PPARGC1A: variants seen among roughly 807,000 people sequenced by gnomAD.
PPARGC1A encodes the protein PPARG coactivator 1 alpha, also known as peroxisome proliferator-activated receptor gamma coactivator 1-alpha.
A neutral mutation model predicts 88.7 loss-of-function variants in PPARGC1A; 25 were observed. That is an observed-to-expected ratio of 0.28 (90% CI 0.21 to 0.39). The LOEUF is 0.39. Ranked by LOEUF, PPARGC1A falls within the 10% of genes least tolerant of loss-of-function variation. The pLI is 1.00. For missense variants in PPARGC1A, 880 were observed against 968.7 expected (o/e 0.91, Z 1.22); for synonymous variants, 363 against 355.6 (o/e 1.02, Z -0.24).
At chr4:24,036,536 C>T in the PPARGC1A span, among the ~76,000 whole-genome samples, 1 of 151,188 alleles carries the variant, frequency 6.6e-6, no homozygotes, top group African/African-American at 2.4e-5. Context: ...TAAATTAACA[C>T]AATGAAACAC....
intron 5 of PPARGC1A, among the ~76,000 whole-genome samples, chr4:23,825,460 T>C (rs546085716): frequency 3.9e-5 from 6 of 151,974 alleles, no homozygotes; most frequent in Non-Finnish European, 8.8e-5. Context: ...ACCAAAAAGG[T>C]CTTTAGAATA....
At chr4:24,428,139 A>T in the PPARGC1A span, among the ~76,000 whole-genome samples, 2 of 148,814 alleles carry the variant, frequency 1.3e-5, no homozygotes, top group East Asian at 2.0e-4. Flanking sequence ...AAAAAAAAAG[A>T]ATTATCCAGC....
chr4:23,870,039 A>G (rs895448247), intron 2 of PPARGC1A, among the ~76,000 whole-genome samples: 3 of 152,216 alleles, frequency 2.0e-5, no homozygotes, highest in Non-Finnish European at 4.4e-5. Context: ...TCGGTATTTC[A>G]TGGAGCATTT....
At chr4:24,214,443 CAGCATAGTG>C in the PPARGC1A span, among the ~76,000 whole-genome samples, 3 of 152,100 alleles carry the variant, frequency 2.0e-5, no homozygotes, top group African/African-American at 7.3e-5. Flanking sequence ...GAAAGAATGA[CAGCATAGTG>C]TTTTCTAAAA....
chr4:23,844,323 A>AG (rs1452438603), intron 2 of PPARGC1A, among the ~76,000 whole-genome samples: 1 of 126,892 alleles, frequency 7.9e-6, no homozygotes, highest in African/African-American at 2.7e-5. Flanking sequence ...ATATTAGAAT[A>AG]ATCATAAACT....
chr4:24,467,062 GAGAA>G, the PPARGC1A span, among the ~76,000 whole-genome samples: 7,096 of 126,918 alleles, frequency 0.056, 242 homozygotes, highest in Middle Eastern at 0.11. Context: ...AAGAAAGAAA[GAGAA>G]AGAAAGAAAG....
intron 2 of PPARGC1A, among the ~76,000 whole-genome samples, chr4:23,859,774 C>A (rs901440373): frequency 1.4e-5 from 2 of 143,994 alleles, no homozygotes; most frequent in African/African-American, 5.2e-5. Flanking sequence ...GTGCAAGACA[C>A]CGTCTCAAAA....
At chr4:23,875,624 A>G (rs754815851) in intron 2 of PPARGC1A, among the ~76,000 whole-genome samples, 40 of 152,084 alleles carry the variant, frequency 2.6e-4, no homozygotes, top group Admixed American at 5.2e-4. Context: ...TTGTAAAGCC[A>G]TCTTAGTCTG....
chr4:24,098,136 A>T, the PPARGC1A span, among the ~76,000 whole-genome samples: 1 of 152,262 alleles, frequency 6.6e-6, no homozygotes, highest in Non-Finnish European at 1.5e-5. Flanking sequence ...AGGGCCAGGA[A>T]TCCTAAAAAC....
At position 23,824,343 on chromosome 4, in the gene PPARGC1A, C is replaced by A. The variant is rs776674773; in HGVS notation, c.814G>T (p.Gly272Cys). The change falls in exon 7 of 13, where the codon GGT (glycine) becomes TGT (cysteine). Residue 272 changes from glycine (G) to cysteine (C), a missense_variant. Physicochemically the swap from Gly to Cys is radical, Grantham distance 159. Coordinates refer to ENST00000264867, the MANE Select transcript of PPARGC1A (RefSeq NM_013261.5). ...LTPESPNDPK[G>C]SPFENKTIER... Reference sequence around the variant, plus strand: ...ATAGTCTTGTTCTCAAATGGGGAACCCTTGGGGTCACTGGAAGATATGGCA... The same window carrying A: ...ATAGTCTTGTTCTCAAATGGGGAACACTTGGGGTCACTGGAAGATATGGCA... The A allele has an allele frequency of 6.2e-7, 1 of 1,613,192 alleles. No homozygotes were observed. The highest frequency in any genetic ancestry group is 1.3e-5 in the African/African-American group (1 of 74,884).
At chr4:23,898,834 ATTTT>A (rs34953632) in intron 1 of PPARGC1A, among the ~76,000 whole-genome samples, 138 of 133,230 alleles carry the variant, frequency 1.0e-3, no homozygotes, top group Non-Finnish European at 1.0e-3. Context: ...TGAGGTGGGT[ATTTT>A]TTTTTTTTTT....
At chr4:24,346,496 C>A in the PPARGC1A span, among the ~76,000 whole-genome samples, 1 of 151,960 alleles carries the variant, frequency 6.6e-6, no homozygotes, top group African/African-American at 2.4e-5. Flanking sequence ...ATTCTTCCTG[C>A]TTTGAGCTAG....
chr4:24,169,904 ACAAATGAGCCT>A, the PPARGC1A span, among the ~76,000 whole-genome samples: 1 of 152,238 alleles, frequency 6.6e-6, no homozygotes, highest in African/African-American at 2.4e-5. Context: ...ACATGATCAT[ACAAATGAGCCT>A]TAATCCAAGG....
the PPARGC1A span, among the ~76,000 whole-genome samples, chr4:24,221,791 T>C: frequency 7.8e-3 from 1,025 of 131,332 alleles, 3 homozygotes; most frequent in Non-Finnish European, 0.011. Context: ...AGTAAAATTT[T>C]CAAAAGCTTG....
At chr4:23,915,185 T>C in the PPARGC1A span, among the ~76,000 whole-genome samples, 1 of 152,130 alleles carries the variant, frequency 6.6e-6, no homozygotes, top group Non-Finnish European at 1.5e-5. Context: ...TTAAATGGGA[T>C]TTTTGGTTAC....
chr4:24,354,729 A>G, the PPARGC1A span, among the ~76,000 whole-genome samples: 4 of 152,122 alleles, frequency 2.6e-5, no homozygotes, highest in African/African-American at 9.7e-5. Flanking sequence ...TACTAAAAAT[A>G]CAAAAAAATT....
chr4:24,040,264 A>C, the PPARGC1A span, among the ~76,000 whole-genome samples: 1 of 152,168 alleles, frequency 6.6e-6, no homozygotes, highest in Non-Finnish European at 1.5e-5. Context: ...CCCTGTGACT[A>C]TTTGTAGACT....
At chr4:23,802,022 C>T (rs1718852955) in intron 11 of PPARGC1A, 141 bp from the exon 12 acceptor site, 2 of 1,268,606 alleles carry the variant, frequency 1.6e-6, no homozygotes, top group Non-Finnish European at 2.2e-6. Flanking sequence ...TCCTGTCAAG[C>T]AGCTAAATAC....
chr4:24,393,595 T>C, the PPARGC1A span, among the ~76,000 whole-genome samples: 1 of 152,180 alleles, frequency 6.6e-6, no homozygotes, highest in South Asian at 2.1e-4. Context: ...AGTTCCATTA[T>C]TAGTGAGTAG....
Sources: allele counts gnomAD v4.1 joint callset (sites outside exome capture counted in the v4.1 genomes callset), GRCh38; gene constraint gnomAD v4.1.1; transcripts MANE v1.5; gene names NCBI Gene and HGNC (gene_info 2026-07-23, HGNC 2026-07-21).